The following NTMT2 variants were observed in gnomAD, a reference collection of about 807,000 sequenced individuals.
NTMT2 encodes N-terminal Xaa-Pro-Lys N-methyltransferase 2.
NTMT2 carries 21 observed loss-of-function variants against 23.4 expected under a neutral mutation model. That is an observed-to-expected ratio of 0.90 (90% CI 0.64 to 1.29). NTMT2 has a LOEUF of 1.29. Ranked by LOEUF, NTMT2 falls within the 50% of genes most tolerant of loss-of-function variation. The pLI, the probability that NTMT2 is intolerant of heterozygous loss-of-function variation, is 0.00. For missense variants in NTMT2, 336 were observed against 352.0 expected, an observed-to-expected ratio of 0.95 and a Z score of 0.36; for synonymous variants, 131 against 127.7, an observed-to-expected ratio of 1.03 and a Z score of -0.17.
chr1:170,154,916 T>C (rs1289292695), intron 1 of NTMT2, among the ~76,000 whole-genome samples: 3 of 152,120 alleles, frequency 2.0e-5, no homozygotes, highest in Non-Finnish European at 2.9e-5. Flanking sequence ...GGGAGGTGTT[T>C]GGGTCATAGG....
chr1:170,152,168 T>C (rs1245233606), intron 1 of NTMT2, among the ~76,000 whole-genome samples: 1 of 152,172 alleles, frequency 6.6e-6, no homozygotes, highest in Non-Finnish European at 1.5e-5. Context: ...AAATAAAATA[T>C]AGCCTTATCC....
intron 1 of NTMT2, among the ~76,000 whole-genome samples, chr1:170,154,723 CTT>C (rs796904225): frequency 1.2e-4 from 18 of 151,264 alleles, no homozygotes; most frequent in African/African-American, 3.4e-4. Flanking sequence ...TGACTTGAGA[CTT>C]GGGACTTCTG....
Position 170,146,232 on chromosome 1 carries a change from A to ATCTC in NTMT2, c.127_130dup (p.Tyr44SerfsTer23). ...ATTCGCAATGACTTCTTTCAGAGCT[A>ATCTC]TCTCTACCTGCTGGAAAAAATTCCC... On this transcript the variant is annotated frameshift_variant, in exon 1 of 4. Coordinates refer to ENST00000439373, the MANE Select transcript of NTMT2 (RefSeq NM_001136107.2). LOFTEE classifies it high-confidence loss of function. The ATCTC allele has an allele frequency of 6.4e-7, 1 of 1,550,670 alleles. No individual in the cohort carries two copies. The highest frequency in any genetic ancestry group is 1.2e-5 in the South Asian group (1 of 83,966).
intron 1 of NTMT2, 26 bp downstream of exon 1, chr1:170,146,287 A>T (rs1180326538): frequency 6.5e-7 from 1 of 1,545,402 alleles, no homozygotes; most frequent in African/African-American, 1.4e-5. Context: ...CTACTAGATA[A>T]GAAACAAGAA....
At chr1:170,161,247 C>T (rs974680453) in intron 2 of NTMT2, among the ~76,000 whole-genome samples, 1 of 150,932 alleles carries the variant, frequency 6.6e-6, no homozygotes, top group Non-Finnish European at 1.5e-5. Flanking sequence ...TGCAGTGAGC[C>T]GAGATCACGC....
intron 1 of NTMT2, 104 bp from the exon 2 acceptor site, chr1:170,160,414 C>A: frequency 9.2e-7 from 1 of 1,085,806 alleles, no homozygotes; most frequent in Non-Finnish European, 1.3e-6. Context: ...GCTCTTTTTG[C>A]CACAGCACAG....
At chr1:170,146,341 A>G in intron 1 of NTMT2, 80 bp downstream of exon 1, 4 of 1,330,658 alleles carry the variant, frequency 3.0e-6, no homozygotes, top group Non-Finnish European at 4.1e-6. Context: ...TCTAGAAGAG[A>G]ATTTAAAACA....
In NTMT2 at chr1:170,160,544, G is replaced by A; in HGVS notation, c.181G>A (p.Val61Ile). The A allele has an allele frequency of 1.3e-6, 2 of 1,542,992 alleles. No homozygotes were observed. The highest frequency in any genetic ancestry group is 8.7e-7 in the Non-Finnish European group (1 of 1,144,628). ...GAAATTGTACGCTTTAACAAGCCAA[G>A]TCATCAATGGTGAGATGCAGTTCTA... ...LVKLYALTSQ[V>I]INGEMQFYAR... The change falls in exon 2 of 4, where the codon GTC becomes ATC. Residue 61 changes from valine to isoleucine, a missense_variant. Coordinates refer to ENST00000439373, the MANE Select transcript of NTMT2 (RefSeq NM_001136107.2).
At chr1:170,156,526 T>TA (rs1347973368) in intron 1 of NTMT2, among the ~76,000 whole-genome samples, 3 of 152,116 alleles carry the variant, frequency 2.0e-5, no homozygotes, top group Non-Finnish European at 2.9e-5. Flanking sequence ...TTACATTAAA[T>TA]AAAAAACAAA....
At chr1:170,166,331 C>CG (rs1336902291) in intron 2 of NTMT2, among the ~76,000 whole-genome samples, 171 bp from the exon 3 acceptor site, 2 of 146,656 alleles carry the variant, frequency 1.4e-5, no homozygotes, top group East Asian at 4.0e-4. Context: ...TTAGTAGAGA[C>CG]GGGGTTTCAC....
intron 1 of NTMT2, among the ~76,000 whole-genome samples, chr1:170,159,267 C>T (rs909276605): frequency 6.6e-6 from 1 of 152,080 alleles, no homozygotes. Flanking sequence ...ACTGGTCTAG[C>T]TCTTCCTAGG....
chr1:170,146,906 C>T (rs1399724094), intron 1 of NTMT2, among the ~76,000 whole-genome samples: 1 of 152,222 alleles, frequency 6.6e-6, no homozygotes. Context: ...TTTGCCTACT[C>T]TACTTTTTTC....
rs547969579 is a variant in NTMT2, at chr1:170,167,958, C to T, written c.*201C>T. On this transcript the variant is annotated 3_prime_UTR_variant, in exon 4 of 4. Transcript: ENST00000439373. ...CACTCTGATGAGACATGCACAAATTCTGTGGATTTTCTGAAAAAAAAATGG... is the reference window on the plus strand; with the variant it reads ...CACTCTGATGAGACATGCACAAATTTTGTGGATTTTCTGAAAAAAAAATGG... 7.1e-6 allele frequency among the ~76,000 whole-genome samples: 1 copy of T among 140,436 alleles called. No homozygotes were observed. Among genetic ancestry groups the T allele is most frequent in the East Asian group, 2.0e-4 (1 of 5,032 alleles). The allele number at this position is 140,436 out of a possible 152,430, so 92.1% of individuals were successfully genotyped here.
intron 1 of NTMT2, among the ~76,000 whole-genome samples, chr1:170,148,843 T>C (rs974424220): frequency 1.4e-4 from 21 of 152,180 alleles, no homozygotes; most frequent in Middle Eastern, 3.4e-3. Context: ...GGCAAGCAAA[T>C]AGAGCAGCCA....
In NTMT2 at chr1:170,162,843, G is replaced by GA. The variant is rs1168667405; in HGVS notation, c.330+2156dup. ...TTTTTTCCATTTGTCTCATGAAACT[G>GA]AAAAAATCCCTGCTTTATTTATTTA... is the stretch of plus-strand genomic sequence containing the variant. On this transcript the variant is annotated intron_variant, in intron 2 of 3. Transcript: ENST00000439373. Among the ~76,000 whole-genome samples the GA allele has an allele frequency of 3.4e-5, 5 of 148,684 alleles. No individual in the cohort carries two copies. In the Admixed American group the frequency reaches 3.4e-4, roughly 10 times the overall value.
At chr1:170,147,625 G>A (rs1051863425) in intron 1 of NTMT2, among the ~76,000 whole-genome samples, 1 of 152,178 alleles carries the variant, frequency 6.6e-6, no homozygotes, top group African/African-American at 2.4e-5. Context: ...CTTTTCTGGA[G>A]ACACTCTTCA....
At chr1:170,150,136 A>G (rs1391437166) in intron 1 of NTMT2, among the ~76,000 whole-genome samples, 1 of 152,202 alleles carries the variant, frequency 6.6e-6, no homozygotes, top group Admixed American at 6.5e-5. Flanking sequence ...AACGGTGGCT[A>G]ACCAGACTCT....
At position 170,167,607 on chromosome 1, in the gene NTMT2, T is replaced by G. The variant is rs1461681707; in HGVS notation, c.702T>G (p.Ser234=). The G allele has an allele frequency of 1.3e-6, 2 of 1,551,722 alleles. No homozygotes were observed. The highest frequency in any genetic ancestry group is 8.7e-7 in the Non-Finnish European group (1 of 1,146,992). The change falls in exon 4 of 4, where the codon TCT becomes TCG. Residue 234 remains serine (S), a synonymous_variant. Coordinates refer to ENST00000439373, the MANE Select transcript of NTMT2 (RefSeq NM_001136107.2). The stretch of plus-strand genomic sequence containing the variant: ...GGGAGGGCTGTATCCTTGATCTCTC[T>G]GACAGCAGTGTGACTCGGGACATGG... The part of the protein sequence containing the change: ...VAREGCILDL[S]DSSVTRDMDI...
rs1673437092 is a variant in NTMT2, at chr1:170,168,222, A to C, written c.*465A>C. Among the ~76,000 whole-genome samples, 1 of 146,364 alleles carries C rather than the reference A, an allele frequency of 6.8e-6. No homozygotes were observed. Among genetic ancestry groups the C allele is most frequent in the African/African-American group, 2.6e-5 (1 of 38,800 alleles). The stretch of plus-strand genomic sequence containing the variant: ...TTAGCTTTGGGGGTTGTTCAGATAA[A>C]GCATTTGTCTACTCAAACAAAAAAA... On this transcript the variant is annotated 3_prime_UTR_variant, in exon 4 of 4. Coordinates refer to ENST00000439373, the MANE Select transcript of NTMT2 (RefSeq NM_001136107.2).
Sources: allele counts gnomAD v4.1 joint callset (sites outside exome capture counted in the v4.1 genomes callset), GRCh38; gene constraint gnomAD v4.1.1; transcripts MANE v1.5; gene names NCBI Gene and HGNC (gene_info 2026-07-23, HGNC 2026-07-21).